Variants in DLG4 observed in about 807,000 individuals in gnomAD.
DLG4 encodes the protein discs large MAGUK scaffold protein 4.
DLG4 carries 7 observed loss-of-function variants against 93.8 expected under a neutral mutation model. The ratio of observed to expected loss-of-function variants is 0.07; its 90% CI spans 0.04 to 0.14. DLG4 has a LOEUF of 0.14. Among genes scored for constraint, DLG4 ranks in the 10% least tolerant of loss-of-function variants. The probability of loss-of-function intolerance (pLI) is 1.00; values close to 1 mark genes in which losing one functional copy is unlikely to be tolerated. For synonymous variants in DLG4, 341 were observed against 387.6 expected (o/e 0.88, Z 1.41); for missense variants, 545 against 992.9 (o/e 0.55, Z 6.06).
chr17:7,205,695 ATCCCCCATCCCACAGCCCG>A lies in DLG4; in HGVS notation c.97-1462_97-1444del, dbSNP rs1379080005. Among the ~76,000 whole-genome samples, 91 of 144,546 alleles carry A rather than the reference ATCCCCCATCCCACAGCCCG, an allele frequency of 6.3e-4. 1 individual carries two copies. The highest frequency in any genetic ancestry group is 3.6e-3 in the Middle Eastern group (1 of 280). The allele number at this position is 144,546 out of a possible 152,430, so 94.8% of individuals were successfully genotyped here. A position where few individuals can be genotyped will look rare whatever the true frequency, so the allele number is the denominator to read the frequency against. On this transcript the variant is annotated intron_variant, in intron 2 of 19. Transcript: ENST00000399506. Reference sequence around the variant, plus strand: ...CTGCCAAAATCTCATCCACGTGTTCATCCCCCATCCCACAGCCCGTCCCCCATCCCACAGCCCGTCCCCC... The same window carrying A: ...CTGCCAAAATCTCATCCACGTGTTCATCCCCCATCCCACAGCCCGTCCCCC...
At chr17:7,205,581 TCA>T (rs2070420493) in intron 2 of DLG4, among the ~76,000 whole-genome samples, 2 of 152,122 alleles carry the variant, frequency 1.3e-5, no homozygotes, top group Non-Finnish European at 2.9e-5. Context: ...TCAAGCTGTA[TCA>T]CAGATTTCAC....
intron 1 of DLG4, among the ~76,000 whole-genome samples, chr17:7,216,888 A>T (rs1007654609): frequency 2.6e-5 from 4 of 151,648 alleles, no homozygotes; most frequent in African/African-American, 9.7e-5. Flanking sequence ...ACCATGGAAT[A>T]TCCTAAATTT....
chr17:7,217,673 G>C (rs1185591721), upstream of DLG4: 6 of 1,355,502 alleles, frequency 4.4e-6, no homozygotes, highest in East Asian at 2.8e-5. Context: ...GAGCCAGAAT[G>C]GGGGGGGTGC....
Position 7,195,578 on chromosome 17 carries a change from G to A in DLG4, c.1301+642C>T, listed in dbSNP as rs2069731956. Among the ~76,000 whole-genome samples, 1 of 152,174 alleles carries A rather than the reference G, an allele frequency of 6.6e-6. No individual in the cohort carries two copies. The highest frequency in any genetic ancestry group is 2.4e-5 in the African/African-American group (1 of 41,424). On this transcript the variant is annotated intron_variant, in intron 11 of 19. Coordinates refer to ENST00000399506, the MANE Select transcript of DLG4 (RefSeq NM_001321075.3). The surrounding 1 kb of genome is among the most constrained non-coding windows in gnomAD (Gnocchi z 4.3). The stretch of plus-strand genomic sequence containing the variant: ...CAGTGGAGATGGCCAGAAAGCCAAT[G>A]GCCAGAAGTGCAGGTCTTGACCTCT...
Position 7,208,768 on chromosome 17 carries a change from TC to T in DLG4, c.31-530del, listed in dbSNP as rs2070594085. Reference sequence around the variant, plus strand: ...GCGCCCCACCTCCATGGCCTCAGTCTCCCCATTGCAGCCTCTACCCCACAGG... The same window carrying T: ...GCGCCCCACCTCCATGGCCTCAGTCTCCCATTGCAGCCTCTACCCCACAGG... On this transcript the variant is annotated intron_variant, in intron 1 of 19. Coordinates refer to ENST00000399506, the MANE Select transcript of DLG4 (RefSeq NM_001321075.3). This position sits in a 1 kb window ranked among gnomAD's most constrained non-coding sequence, Gnocchi z 5.4. Among the ~76,000 whole-genome samples the T allele has an allele frequency of 1.3e-5, 2 of 151,530 alleles. No homozygotes were observed. Among genetic ancestry groups the T allele is most frequent in the Non-Finnish European group, 2.9e-5 (2 of 67,900 alleles).
chr17:7,193,821 C>A lies in DLG4; in HGVS notation c.1543+23G>T. Reference sequence around the variant, plus strand: ...AACTCAGTGCTCCTCTCACCCACATCTTCCCGAACTAACCCTACCTACCCT... The same window carrying A: ...AACTCAGTGCTCCTCTCACCCACATATTCCCGAACTAACCCTACCTACCCT... On this transcript the variant is annotated intron_variant, in intron 14 of 19. Transcript: ENST00000399506. This position sits in a 1 kb window ranked among gnomAD's most constrained non-coding sequence, Gnocchi z 6.7. 6.2e-7 allele frequency: 1 copy of A among 1,612,974 alleles called. No individual in the cohort carries two copies. The highest frequency in any genetic ancestry group is 8.5e-7 in the Non-Finnish European group (1 of 1,179,498).
rs150405210 is a variant in DLG4 at position 7,206,218 on chromosome 17, T to A, written c.96+1956A>T. 5.9e-5 allele frequency among the ~76,000 whole-genome samples: 9 copies of A among 152,072 alleles called. No homozygotes were observed. In the East Asian group the frequency reaches 1.7e-3, roughly 29 times the overall value. ...AGTCCTCCCACCTCAGCCTCCTGAG[T>A]AGCTACAGGCACATGCCACCCCACC... On this transcript the variant is annotated intron_variant, in intron 2 of 19. Transcript: ENST00000399506.
intron 8 of DLG4, among the ~76,000 whole-genome samples, chr17:7,202,143 A>G (rs993457936): frequency 6.6e-6 from 1 of 152,160 alleles, no homozygotes; most frequent in East Asian, 1.9e-4. Flanking sequence ...TGGCGCAATC[A>G]TTGGCTTACT....
chr17:7,211,188 G>A (rs2070691916), intron 1 of DLG4, among the ~76,000 whole-genome samples: 1 of 150,878 alleles, frequency 6.6e-6, no homozygotes, highest in African/African-American at 2.4e-5. Flanking sequence ...GGGGCGGTGG[G>A]GGATCAGCAC....
Position 7,193,525 on chromosome 17 carries a change from G to A in DLG4, c.1651C>T (p.Leu551Phe). 1 of 1,538,174 alleles carries A rather than the reference G, an allele frequency of 6.5e-7. No homozygotes were observed. The highest frequency in any genetic ancestry group is 8.7e-7 in the Non-Finnish European group (1 of 1,149,142). ...GPTKDRANDD[L>F]LSEFPDKFGS... ...AACTTGTCGGGGAACTCGGAGAGAA[G>A]ATCATCGTTGGCGCGGTCCTTGGTG... The change falls in exon 16 of 20, where the codon CTT (leucine) becomes TTT (phenylalanine). Residue 551 changes from leucine (L) to phenylalanine (F), a missense_variant. By Grantham distance (22) the Leu-to-Phe change is conservative. Around this residue, in one of 5 missense-constraint regions of DLG4, gnomAD observed 428 missense variants for 741.4 expected, o/e 0.58. Coordinates refer to ENST00000399506, the MANE Select transcript of DLG4 (RefSeq NM_001321075.3). This position sits in a 1 kb window ranked among gnomAD's most constrained non-coding sequence, Gnocchi z 6.7.
At position 7,188,939 on chromosome 17, in the gene DLG4, C is replaced by G. The variant is rs761763690; in HGVS notation, c.*1769G>C. ...CCAGCCTGGCCAACAAAGCAAAACC[C>G]CATCTCTACTAAAAATACAAAAATT... On this transcript the variant is annotated 3_prime_UTR_variant, in exon 20 of 20. Coordinates refer to ENST00000399506, the MANE Select transcript of DLG4 (RefSeq NM_001321075.3). 6.6e-6 allele frequency among the ~76,000 whole-genome samples: 1 copy of G among 151,866 alleles called. No homozygotes were observed. The highest frequency in any genetic ancestry group is 1.5e-5 in the Non-Finnish European group (1 of 67,966).
At position 7,191,203 on chromosome 17, in the gene DLG4, G is replaced by A. The variant is rs2142807671; in HGVS notation, c.2068+64C>T. On this transcript the variant is annotated intron_variant, in intron 19 of 19. Coordinates refer to ENST00000399506, the MANE Select transcript of DLG4 (RefSeq NM_001321075.3). The surrounding 1 kb of genome is among the most constrained non-coding windows in gnomAD (Gnocchi z 6.6). ...TAAGCCATCCACTGGGGGTGGCGGG[G>A]GAGCTCTTTCTAATCCGAGCAAGGG... is the stretch of plus-strand genomic sequence containing the variant. 1 of 1,511,858 alleles carries A rather than the reference G, an allele frequency of 6.6e-7. No homozygotes were observed. Among genetic ancestry groups the A allele is most frequent in the East Asian group, 2.3e-5 (1 of 44,292 alleles). 93.7% of individuals were successfully genotyped at this position (1,511,858 alleles called of 1,614,324 possible).
chr17:7,210,878 G>A (rs1484697742), intron 1 of DLG4, among the ~76,000 whole-genome samples: 1 of 151,994 alleles, frequency 6.6e-6, no homozygotes, highest in Admixed American at 6.6e-5. Flanking sequence ...ATTCTAGGGA[G>A]GAAATGAAGG....
At chr17:7,198,219 C>T (rs2069904628) in intron 8 of DLG4, among the ~76,000 whole-genome samples, 1 of 152,220 alleles carries the variant, frequency 6.6e-6, no homozygotes, top group African/African-American at 2.4e-5. Context: ...CACGATGGCT[C>T]ATGCCTGTAA....
intron 1 of DLG4, among the ~76,000 whole-genome samples, chr17:7,212,243 C>T (rs1194591661): frequency 6.6e-6 from 1 of 152,108 alleles, no homozygotes; most frequent in Non-Finnish European, 1.5e-5. Flanking sequence ...CCTCAGATTC[C>T]AAGGCATCTC....
upstream of DLG4, chr17:7,217,909 G>A (rs1289423936): frequency 4.8e-6 from 6 of 1,245,780 alleles, no homozygotes; most frequent in Admixed American, 8.0e-5. Flanking sequence ...CCTCTCGGCA[G>A]GCGGTAGGGG....
In DLG4 at chr17:7,193,893, CG is replaced by C. The variant is rs1043270332; in HGVS notation, c.1516-23del. 1 of 1,612,296 alleles carries C rather than the reference CG, an allele frequency of 6.2e-7. No homozygotes were observed. The highest frequency in any genetic ancestry group is 1.3e-5 in the African/African-American group (1 of 74,880). ...AGTCCTAAGAAGAAAAAGCAGGCCA[CG>C]GGGTTAGTTATGAGCTCAGCTCCAT... On this transcript the variant is annotated intron_variant, in intron 13 of 19. Coordinates refer to ENST00000399506, the MANE Select transcript of DLG4 (RefSeq NM_001321075.3). The surrounding 1 kb of genome is among the most constrained non-coding windows in gnomAD (Gnocchi z 6.7).
rs560440999 is a variant in DLG4, at chr17:7,193,614, G to C, written c.1592-30C>G. On this transcript the variant is annotated intron_variant, in intron 15 of 19. Transcript: ENST00000399506. The surrounding 1 kb of genome is among the most constrained non-coding windows in gnomAD (Gnocchi z 6.7). ...AGAGAGAGCCTGGCTTAGGCCGAGC[G>C]CAGGGTTGGGGGAGCAGCAAGTGCT... 2 of 1,526,024 alleles carry C rather than the reference G, an allele frequency of 1.3e-6. No individual in the cohort carries two copies. The highest frequency in any genetic ancestry group is 1.8e-6 in the Non-Finnish European group (2 of 1,139,398). 94.5% of individuals were successfully genotyped at this position (1,526,024 alleles called of 1,614,324 possible). A position where few individuals can be genotyped will look rare whatever the true frequency, so the allele number is the denominator to read the frequency against.
chr17:7,205,635 T>C (rs941774709), intron 2 of DLG4, among the ~76,000 whole-genome samples: 3 of 151,726 alleles, frequency 2.0e-5, no homozygotes, highest in African/African-American at 7.3e-5. Context: ...CCTTCACATA[T>C]CAGCAAATGC....
Sources: gnomAD v4.1 joint callset for allele counts (sites outside exome capture counted in the v4.1 genomes callset) on GRCh38, gnomAD v4.1.1 for gene constraint, gnomAD v4.1.1 regional missense constraint, Gnocchi (gnomAD v3.1) non-coding constraint, MANE v1.5 for transcripts, NCBI Gene and HGNC (gene_info 2026-07-23, HGNC 2026-07-21) for gene names.